Variants in UPF3A observed in about 807,000 individuals in gnomAD.
The protein encoded by UPF3A is regulator of nonsense transcripts 3A.
A neutral mutation model predicts 53.5 loss-of-function variants in UPF3A; 42 were observed. That is an observed-to-expected ratio of 0.78 (90% CI 0.61 to 1.01). The LOEUF is 1.01. Among genes scored for constraint, UPF3A ranks in the 50% least tolerant of loss-of-function variants. UPF3A has a pLI of 0.00. For synonymous variants in UPF3A, 237 were observed against 225.3 expected (o/e 1.05, Z -0.47); for missense variants, 575 against 598.0 (o/e 0.96, Z 0.40).
chr13:114,294,956 C>CA (rs1258517675), intron 7 of UPF3A, among the ~76,000 whole-genome samples: 11 of 151,662 alleles, frequency 7.3e-5, no homozygotes, highest in South Asian at 2.1e-4. Context: ...ACTAAAAATA[C>CA]AAAAAATTAG....
chr13:114,288,896 A>G (rs2085000213), intron 5 of UPF3A, among the ~76,000 whole-genome samples: 1 of 152,174 alleles, frequency 6.6e-6, no homozygotes, highest in Non-Finnish European at 1.5e-5. Context: ...TAGAAGCAGC[A>G]AATTAGACGT....
chr13:114,305,018 G>C lies in UPF3A; in HGVS notation c.*101G>C. On this transcript the variant is annotated 3_prime_UTR_variant, in exon 10 of 10. Coordinates refer to ENST00000375299, the MANE Select transcript of UPF3A (RefSeq NM_023011.4). ...GGAAGGAGAACTTATTCCTTACCAG[G>C]AAACTGGAAGCTAAAAATACAGAGG... 7.0e-7 allele frequency: 1 copy of C among 1,434,160 alleles called. No individual in the cohort carries two copies. Among genetic ancestry groups the C allele is most frequent in the South Asian group, 1.2e-5 (1 of 81,006 alleles). The allele number at this position is 1,434,160 out of a possible 1,614,324, so 88.8% of individuals were successfully genotyped here. A position where few individuals can be genotyped will look rare whatever the true frequency, so the allele number is the denominator to read the frequency against.
chr13:114,284,690 CTCTGTCTCAA>C (rs2084490767), intron 3 of UPF3A, among the ~76,000 whole-genome samples: 1 of 151,418 alleles, frequency 6.6e-6, no homozygotes, highest in Non-Finnish European at 1.5e-5. Flanking sequence ...CAGAGTGAGA[CTCTGTCTCAA>C]AAAAAAAAAA....
chr13:114,297,007 A>G (rs1363502075), intron 7 of UPF3A, among the ~76,000 whole-genome samples: 1 of 152,210 alleles, frequency 6.6e-6, no homozygotes, highest in Non-Finnish European at 1.5e-5. Flanking sequence ...CATAGGCAGA[A>G]TAAGAGGATG....
intron 5 of UPF3A, among the ~76,000 whole-genome samples, chr13:114,289,748 G>C (rs917018144): frequency 1.3e-5 from 2 of 152,160 alleles, no homozygotes; most frequent in Non-Finnish European, 2.9e-5. Context: ...TCAGCTCTGA[G>C]ACTTCTGTTT....
At position 114,281,745 on chromosome 13, in the gene UPF3A, G is replaced by A; in HGVS notation, c.106G>A (p.Asp36Asn). 1.9e-6 allele frequency: 3 copies of A among 1,558,000 alleles called. No homozygotes were observed. Among genetic ancestry groups the A allele is most frequent in the Non-Finnish European group, 2.6e-6 (3 of 1,151,888 alleles). ...LSALEVQFHRDSQQQEAETPP... is the reference protein window; with the variant it reads ...LSALEVQFHRNSQQQEAETPP... ...GGCCCTAGAAGTGCAGTTCCACCGC[G>A]ACTCGCAGCAGCAGGAGGCTGAGAC... is the stretch of plus-strand genomic sequence containing the variant. Residue 36 changes from aspartate (D) to asparagine (N), a missense_variant, in exon 1 of 10, where the codon GAC (aspartate) becomes AAC (asparagine). Physicochemically the swap from Asp to Asn is conservative, Grantham distance 23 (BLOSUM62 1). Transcript: ENST00000375299.
In UPF3A at chr13:114,283,869, C is replaced by A. The variant is rs371540713; in HGVS notation, c.421+926C>A. 5 of 985,336 alleles carry A rather than the reference C, an allele frequency of 5.1e-6. No homozygotes were observed. In the African/African-American group the frequency reaches 8.7e-5, roughly 17 times the overall value. 61.0% of individuals were successfully genotyped at this position (985,336 alleles called of 1,614,324 possible). A position where few individuals can be genotyped will look rare whatever the true frequency, so the allele number is the denominator to read the frequency against. ...TTTCTGCCCTCCCCTCCCCAGCCAC[C>A]CTCTTCCGACTCCACGTGTTTTGAC... On this transcript the variant is annotated intron_variant, in intron 3 of 9. Transcript: ENST00000375299.
At chr13:114,288,473 TCGCTTTTCACTGCAGGCGCAGAGTG>T (rs1407221861) in intron 5 of UPF3A, among the ~76,000 whole-genome samples, 2 of 152,202 alleles carry the variant, frequency 1.3e-5, no homozygotes, top group Non-Finnish European at 2.9e-5. Flanking sequence ...CCGGCTGCTG[TCGCTTTTCACTGCAGGCGCAGAGTG>T]CAGGCTTGTG....
intron 5 of UPF3A, chr13:114,286,987 A>G (rs975311398): frequency 5.6e-6 from 1 of 179,902 alleles, no homozygotes; most frequent in African/African-American, 2.4e-5. Flanking sequence ...TCAAGAGCCC[A>G]TAGGAATGAG....
In UPF3A at chr13:114,304,793, G is replaced by A. The variant is rs773827734; in HGVS notation, c.1307G>A (p.Arg436Gln). The A allele has an allele frequency of 1.7e-5, 28 of 1,613,410 alleles. No individual in the cohort carries two copies. The highest frequency in any genetic ancestry group is 5.0e-5 in the Admixed American group (3 of 59,986). Reference protein sequence around the residue: ...PRKERLANKDRPALQLYDPGA... With the variant: ...PRKERLANKDQPALQLYDPGA... ...CATGCCCTCTTATCCTGGCAGGACC[G>A]GCCAGCCTTGCAGCTGTATGATCCA... is the stretch of plus-strand genomic sequence containing the variant. Residue 436 changes from arginine (R) to glutamine (Q), a missense_variant, in exon 10 of 10, where the codon CGG (arginine) becomes CAG (glutamine). By Grantham distance (43) the Arg-to-Gln change is conservative. Around this residue, in one of 2 missense-constraint regions of UPF3A, gnomAD observed 323 missense variants for 415.2 expected, o/e 0.78. Coordinates refer to ENST00000375299, the MANE Select transcript of UPF3A (RefSeq NM_023011.4).
At chr13:114,284,671 C>A (rs1169367744) in intron 3 of UPF3A, among the ~76,000 whole-genome samples, 2 of 151,970 alleles carry the variant, frequency 1.3e-5, no homozygotes, top group Non-Finnish European at 2.9e-5. Flanking sequence ...TACACTGTAG[C>A]CTTGGTGACA....
At chr13:114,290,536 C>T (rs1594782254) in intron 5 of UPF3A, among the ~76,000 whole-genome samples, 1 of 152,068 alleles carries the variant, frequency 6.6e-6, no homozygotes, top group African/African-American at 2.4e-5. Context: ...TCCATGTCAG[C>T]GCAAGTCCCT....
intron 5 of UPF3A, among the ~76,000 whole-genome samples, chr13:114,288,355 A>G (rs1448526388): frequency 1.3e-5 from 2 of 151,894 alleles, no homozygotes; most frequent in African/African-American, 2.4e-5. Context: ...TCCCTCCAAG[A>G]TAGTGGTGGA....
chr13:114,287,664 A>G (rs2084855032), intron 5 of UPF3A: 2 of 152,314 alleles, frequency 1.3e-5, no homozygotes, highest in African/African-American at 2.4e-5. Flanking sequence ...CTCCCACCAC[A>G]TAAACTCCCT....
At chr13:114,297,660 C>A (rs1408037647) in intron 7 of UPF3A, among the ~76,000 whole-genome samples, 1 of 152,066 alleles carries the variant, frequency 6.6e-6, no homozygotes, top group African/African-American at 2.4e-5. Flanking sequence ...GAAATCCCAT[C>A]TCTACTAAAA....
At position 114,282,819 on chromosome 13, in the gene UPF3A, T is replaced by C. The variant is rs2084252222; in HGVS notation, c.315-18T>C. 2.5e-6 allele frequency: 4 copies of C among 1,593,028 alleles called. No homozygotes were observed. The highest frequency in any genetic ancestry group is 2.6e-6 in the Non-Finnish European group (3 of 1,165,118). On this transcript the variant is annotated intron_variant, in intron 2 of 9. Transcript: ENST00000375299. The stretch of plus-strand genomic sequence containing the variant: ...TGTATTTTTCACTGACCATTTTCAC[T>C]GTTATCTCTTATTTCAGTCTTTATC...
At position 114,301,833 on chromosome 13, in the gene UPF3A, A is replaced by G. The variant is rs1024991551; in HGVS notation, c.1110A>G (p.Arg370=). ...ATGTGGATGACGGCAGGAGGCACAG[A>G]GCTCACCACGAGCCTGAACGGCTTT... ...RYHVDDGRRH[R]AHHEPERLSR... Residue 370 remains arginine (R), a synonymous_variant, in exon 9 of 10, where the codon AGA becomes AGG. Coordinates refer to ENST00000375299, the MANE Select transcript of UPF3A (RefSeq NM_023011.4). 3.1e-6 allele frequency: 5 copies of G among 1,613,812 alleles called. No individual in the cohort carries two copies. In the Admixed American group the frequency reaches 6.7e-5, roughly 22 times the overall value.
intron 3 of UPF3A, among the ~76,000 whole-genome samples, chr13:114,284,378 T>C (rs554319446): frequency 7.5e-6 from 1 of 132,760 alleles, no homozygotes; most frequent in Non-Finnish European, 1.6e-5. Flanking sequence ...TGTACGTGTA[T>C]GTATATGTGT....
At chr13:114,295,727 C>T (rs2085912803) in intron 7 of UPF3A, among the ~76,000 whole-genome samples, 2 of 152,246 alleles carry the variant, frequency 1.3e-5, no homozygotes, top group African/African-American at 2.4e-5. Flanking sequence ...ACCACCGTTG[C>T]CTCAGGTGGT....
Sources: allele counts gnomAD v4.1 joint callset (sites outside exome capture counted in the v4.1 genomes callset), GRCh38; gene constraint gnomAD v4.1.1; regional missense constraint gnomAD v4.1.1; transcripts MANE v1.5; gene names NCBI Gene and HGNC (gene_info 2026-07-23, HGNC 2026-07-21).